Variants in BRIP1 observed in about 807,000 individuals in gnomAD.
The protein encoded by BRIP1 is BRCA1 interacting DNA helicase 1, also known as Fanconi anemia group J protein.
A neutral mutation model predicts 119.7 loss-of-function variants in BRIP1; 88 were observed. The ratio of observed to expected loss-of-function variants is 0.74; its 90% CI spans 0.62 to 0.88. The LOEUF is 0.88. BRIP1 is among the 40% of genes least tolerant of loss of function. The pLI is 0.00. For missense variants in BRIP1, 1,259 were observed against 1,455.4 expected (o/e 0.87, Z 2.20); for synonymous variants, 443 against 496.5 (o/e 0.89, Z 1.43).
rs1261853100 is a variant in BRIP1 at position 61,853,224 on chromosome 17, T to C, written c.379+3834A>G. Among the ~76,000 whole-genome samples, 3 of 148,532 alleles carry C rather than the reference T, an allele frequency of 2.0e-5. No individual in the cohort carries two copies. The highest frequency in any genetic ancestry group is 4.5e-5 in the Non-Finnish European group (3 of 66,962). On this transcript the variant is annotated intron_variant, in intron 4 of 19. Transcript: ENST00000259008. This position sits in a 1 kb window ranked among gnomAD's most constrained non-coding sequence, Gnocchi z 4.3. Reference sequence around the variant, plus strand: ...CAGAAGACAGACACAAGATTACATATATAATTCCATTTTTTTTTTTTGAGA... The same window carrying C: ...CAGAAGACAGACACAAGATTACATACATAATTCCATTTTTTTTTTTTGAGA...
rs2061477480 is a variant in BRIP1 at position 61,693,456 on chromosome 17, C to T, written c.2549G>A (p.Arg850Lys). Residue 850 changes from arginine (R) to lysine (K), a missense_variant, in exon 18 of 20, where the codon AGG (arginine) becomes AAG (lysine). Physicochemically the swap from Arg to Lys is conservative, Grantham distance 26. Coordinates refer to ENST00000259008, the MANE Select transcript of BRIP1 (RefSeq NM_032043.3). This position sits in a 1 kb window ranked among gnomAD's most constrained non-coding sequence, Gnocchi z 4.2. ...AGATATATAGCGACTTGGGTTATTC[C>T]TAAAGCGATCATCCACTAGAATAAG... is the stretch of plus-strand genomic sequence containing the variant. Reference protein sequence around the residue: ...GALILVDDRFRNNPSRYISGL... With the variant: ...GALILVDDRFKNNPSRYISGL... 1 of 1,613,666 alleles carries T rather than the reference C, an allele frequency of 6.2e-7. No homozygotes were observed. The highest frequency in any genetic ancestry group is 8.5e-7 in the Non-Finnish European group (1 of 1,179,700).
chr17:61,830,951 T>C (rs2078484175), intron 6 of BRIP1, among the ~76,000 whole-genome samples: 1 of 152,168 alleles, frequency 6.6e-6, no homozygotes, highest in Non-Finnish European at 1.5e-5. Flanking sequence ...TTCCACTAAT[T>C]TACAGTCAGG....
intron 4 of BRIP1, among the ~76,000 whole-genome samples, chr17:61,850,094 T>G (rs1475795948): frequency 6.8e-6 from 1 of 147,602 alleles, no homozygotes; most frequent in Non-Finnish European, 1.5e-5. Flanking sequence ...TAACAATCTT[T>G]TTTAACCATC....
At position 61,717,374 on chromosome 17, in the gene BRIP1, T is replaced by C. The variant is rs2061895995; in HGVS notation, c.2380-1311A>G. Among the ~76,000 whole-genome samples, 1 of 152,106 alleles carries C rather than the reference T, an allele frequency of 6.6e-6. No individual in the cohort carries two copies. The highest frequency in any genetic ancestry group is 1.5e-5 in the Non-Finnish European group (1 of 67,960). On this transcript the variant is annotated intron_variant, in intron 16 of 19. Coordinates refer to ENST00000259008, the MANE Select transcript of BRIP1 (RefSeq NM_032043.3). This position sits in a 1 kb window ranked among gnomAD's most constrained non-coding sequence, Gnocchi z 4.1. ...AGATTTAAATTTCCATCTGGTATCA[T>C]TTTCCTTCTACCTGAAGAACTTTCT... is the stretch of plus-strand genomic sequence containing the variant.
In BRIP1 at chr17:61,861,442, C is replaced by T. The variant is rs730881629; in HGVS notation, c.93+5G>A. 1 of 1,597,476 alleles carries T rather than the reference C, an allele frequency of 6.3e-7. No homozygotes were observed. Among genetic ancestry groups the T allele is most frequent in the Non-Finnish European group, 8.6e-7 (1 of 1,165,128 alleles). ...ATAAAAACTTAACTGCTGAAAAATA[C>T]TTACAGAATTCATCATAGCAAGCTG... On this transcript the variant is annotated splice_donor_5th_base_variant and intron_variant, in intron 2 of 19. Coordinates refer to ENST00000259008, the MANE Select transcript of BRIP1 (RefSeq NM_032043.3). The surrounding 1 kb of genome is among the most constrained non-coding windows in gnomAD (Gnocchi z 4.5).
chr17:61,821,261 G>A (rs375160375), intron 6 of BRIP1, among the ~76,000 whole-genome samples: 113 of 152,290 alleles, frequency 7.4e-4, no homozygotes, highest in African/African-American at 2.5e-3. Flanking sequence ...TGAAGTTACA[G>A]AGTTACACCC....
In BRIP1 at chr17:61,683,151, T is replaced by A; in HGVS notation, c.*145A>T. 9.4e-7 allele frequency: 1 copy of A among 1,059,966 alleles called. No individual in the cohort carries two copies. The highest frequency in any genetic ancestry group is 1.3e-6 in the Non-Finnish European group (1 of 748,816). The allele number at this position is 1,059,966 out of a possible 1,614,324, so 65.7% of individuals were successfully genotyped here. On this transcript the variant is annotated 3_prime_UTR_variant, in exon 20 of 20. Transcript: ENST00000259008. The surrounding 1 kb of genome is among the most constrained non-coding windows in gnomAD (Gnocchi z 4.7). ...GTCTCAAAAAAAAAAACCCAAAAAC[T>A]CAAGAATAATAACATTTACATTTCT...
Position 61,722,698 on chromosome 17 carries a change from C to T in BRIP1, c.2380-6635G>A, listed in dbSNP as rs907684479. ...TCCGAAGACAACAGTTGCTCTAGGA[C>T]GTATTAGTTATAAATGGAATATTTA... On this transcript the variant is annotated intron_variant, in intron 16 of 19. Coordinates refer to ENST00000259008, the MANE Select transcript of BRIP1 (RefSeq NM_032043.3). This position sits in a 1 kb window ranked among gnomAD's most constrained non-coding sequence, Gnocchi z 4.6. 3.3e-5 allele frequency among the ~76,000 whole-genome samples: 5 copies of T among 152,180 alleles called. No individual in the cohort carries two copies. The highest frequency in any genetic ancestry group is 4.2e-4 in the South Asian group (2 of 4,818).
At chr17:61,826,233 C>T (rs886855631) in intron 6 of BRIP1, among the ~76,000 whole-genome samples, 6 of 151,988 alleles carry the variant, frequency 3.9e-5, no homozygotes, top group South Asian at 4.1e-4. Context: ...TTCCTTACAC[C>T]GTATTCAAAA....
chr17:61,764,469 A>G (rs1325185485), intron 14 of BRIP1, among the ~76,000 whole-genome samples: 3 of 152,320 alleles, frequency 2.0e-5, no homozygotes, highest in African/African-American at 7.2e-5. Flanking sequence ...TGGGATAAGT[A>G]TATTTGGAGA....
chr17:61,751,960 G>T lies in BRIP1; in HGVS notation c.2098-7369C>A, dbSNP rs1002813560. ...ATTTTTGTATTTTTAGTAGAGACGG[G>T]GTTTCACCATATTGGTCAGGCTGGT... On this transcript the variant is annotated intron_variant, in intron 14 of 19. Transcript: ENST00000259008. The surrounding 1 kb of genome is among the most constrained non-coding windows in gnomAD (Gnocchi z 6.7). Among the ~76,000 whole-genome samples the T allele has an allele frequency of 6.6e-6, 1 of 151,950 alleles. No homozygotes were observed. The highest frequency in any genetic ancestry group is 1.5e-5 in the Non-Finnish European group (1 of 67,974).
chr17:61,772,678 T>C (rs1346034194), intron 14 of BRIP1, among the ~76,000 whole-genome samples: 1 of 151,538 alleles, frequency 6.6e-6, no homozygotes. Flanking sequence ...ATTAGCCGGG[T>C]GTGGTGGCAC....
rs1567778665 is a variant in BRIP1 at position 61,742,184 on chromosome 17, C to T, written c.2379+829G>A. 1.3e-5 allele frequency among the ~76,000 whole-genome samples: 2 copies of T among 152,226 alleles called. No individual in the cohort carries two copies. The highest frequency in any genetic ancestry group is 6.5e-5 in the Admixed American group (1 of 15,272). Reference sequence around the variant, plus strand: ...TGCTAGCTTCAAACTTTTCTGCAGCCTCCTCACCTCTCTCAGCTTTCACAG... The same window carrying T: ...TGCTAGCTTCAAACTTTTCTGCAGCTTCCTCACCTCTCTCAGCTTTCACAG... On this transcript the variant is annotated intron_variant, in intron 16 of 19. Transcript: ENST00000259008. The surrounding 1 kb of genome is among the most constrained non-coding windows in gnomAD (Gnocchi z 4.7).
chr17:61,830,056 C>T (rs2078467311), intron 6 of BRIP1, among the ~76,000 whole-genome samples: 1 of 151,914 alleles, frequency 6.6e-6, no homozygotes. Flanking sequence ...CCTCAGCCTC[C>T]CGAGTAGCTG....
In BRIP1 at chr17:61,845,341, C is replaced by T. The variant is rs2078712660; in HGVS notation, c.627+1760G>A. ...AAAAGGTCCATCAGTCTATCTTGCA[C>T]TTAGGATGGACCTTTTCTAGGCATC... On this transcript the variant is annotated intron_variant, in intron 6 of 19. Coordinates refer to ENST00000259008, the MANE Select transcript of BRIP1 (RefSeq NM_032043.3). The surrounding 1 kb of genome is among the most constrained non-coding windows in gnomAD (Gnocchi z 4.2). Among the ~76,000 whole-genome samples, 1 of 152,168 alleles carries T rather than the reference C, an allele frequency of 6.6e-6. No individual in the cohort carries two copies. The highest frequency in any genetic ancestry group is 6.5e-5 in the Admixed American group (1 of 15,276).
Position 61,848,409 on chromosome 17 carries a change from G to A in BRIP1, c.507+720C>T, listed in dbSNP as rs1456995575. ...ACTTTTTTGTGGAGACAGGAGCCTT[G>A]CTATGTCACCCAGGCTGGTCTCAAA... On this transcript the variant is annotated intron_variant, in intron 5 of 19. Coordinates refer to ENST00000259008, the MANE Select transcript of BRIP1 (RefSeq NM_032043.3). This position sits in a 1 kb window ranked among gnomAD's most constrained non-coding sequence, Gnocchi z 4.3. 6.6e-6 allele frequency among the ~76,000 whole-genome samples: 1 copy of A among 151,894 alleles called. No individual in the cohort carries two copies. The highest frequency in any genetic ancestry group is 2.4e-5 in the African/African-American group (1 of 41,348).
At chr17:61,797,468 C>G (rs1335424155) in intron 9 of BRIP1, among the ~76,000 whole-genome samples, 1 of 151,916 alleles carries the variant, frequency 6.6e-6, no homozygotes, top group Non-Finnish European at 1.5e-5. Context: ...CACTAGTGAT[C>G]TTGATCAAAA....
intron 4 of BRIP1, among the ~76,000 whole-genome samples, chr17:61,850,416 C>T (rs2078801977): frequency 6.6e-6 from 1 of 151,840 alleles, no homozygotes; most frequent in South Asian, 2.1e-4. Flanking sequence ...TCATTTATTA[C>T]ACTGAGTCTA....
intron 17 of BRIP1, among the ~76,000 whole-genome samples, chr17:61,694,580 C>G (rs1359647478): frequency 6.6e-6 from 1 of 151,942 alleles, no homozygotes; most frequent in Non-Finnish European, 1.5e-5. Context: ...CTATGTTTAA[C>G]TTTTTCAAAC....
Sources: allele counts gnomAD v4.1 joint callset (sites outside exome capture counted in the v4.1 genomes callset), GRCh38; gene constraint gnomAD v4.1.1; non-coding constraint Gnocchi (gnomAD v3.1); transcripts MANE v1.5; gene names NCBI Gene and HGNC (gene_info 2026-07-23, HGNC 2026-07-21).